MRM1: variants seen among roughly 807,000 people sequenced by gnomAD.
MRM1 encodes rRNA methyltransferase 1, mitochondrial.
In MRM1, 24 loss-of-function variants were observed where a neutral mutation model predicts 25.0. The ratio of observed to expected loss-of-function variants is 0.96; its 90% CI spans 0.69 to 1.35. MRM1 has a LOEUF of 1.35. Among genes scored for constraint, MRM1 ranks in the 40% most tolerant of loss-of-function variants. The probability of loss-of-function intolerance (pLI) is 0.00; values close to 1 mark genes in which losing one functional copy is unlikely to be tolerated. For missense variants in MRM1, 431 were observed against 464.1 expected, an observed-to-expected ratio of 0.93 and a Z score of 0.65; for synonymous variants, 188 against 199.2, an observed-to-expected ratio of 0.94 and a Z score of 0.47.
At chr17:36,604,146 C>T (rs1183286102) in intron 2 of MRM1, among the ~76,000 whole-genome samples, 2 of 152,332 alleles carry the variant, frequency 1.3e-5, no homozygotes, top group Admixed American at 6.5e-5. Context: ...TCCTCCTCTT[C>T]CTGCAGCATC....
chr17:36,621,625 C>T, the MRM1 span, among the ~76,000 whole-genome samples: 9 of 152,324 alleles, frequency 5.9e-5, no homozygotes, highest in Non-Finnish European at 2.9e-5. Flanking sequence ...TAAAGGCCAT[C>T]GATTTTCTTC....
chr17:36,624,586 G>C, the MRM1 span, among the ~76,000 whole-genome samples: 10 of 152,198 alleles, frequency 6.6e-5, no homozygotes, highest in African/African-American at 2.4e-4. This position sits in a 1 kb window ranked among gnomAD's most constrained non-coding sequence, Gnocchi z 4.0. Context: ...GGTGTCTGCT[G>C]TGACTGGTGG....
the MRM1 span, among the ~76,000 whole-genome samples, chr17:36,627,206 T>G: frequency 2.6e-5 from 4 of 152,176 alleles, no homozygotes. Flanking sequence ...GCAGGTCTCC[T>G]TCAGCCCCTT....
At chr17:36,619,529 G>GC in the MRM1 span, among the ~76,000 whole-genome samples, 1 of 152,164 alleles carries the variant, frequency 6.6e-6, no homozygotes, top group Admixed American at 6.5e-5. Flanking sequence ...TTAGCCAGGT[G>GC]TGGTAGCGCA....
the MRM1 span, among the ~76,000 whole-genome samples, chr17:36,627,219 G>A: frequency 1.3e-5 from 2 of 152,124 alleles, no homozygotes; most frequent in African/African-American, 2.4e-5. Context: ...AGCCCCTTTT[G>A]GGGGAAAGAA....
rs368052533 is a variant in MRM1 at position 36,608,797 on chromosome 17, G to C, written c.*382G>C. 1 of 191,968 alleles carries C rather than the reference G, an allele frequency of 5.2e-6. No homozygotes were observed. The highest frequency in any genetic ancestry group is 1.3e-4 in the East Asian group (1 of 7,902). 11.9% of individuals were successfully genotyped at this position (191,968 alleles called of 1,614,324 possible). A position where few individuals can be genotyped will look rare whatever the true frequency, so the allele number is the denominator to read the frequency against. ...CTGTGGCAAATGTGTGTATGAGAAT[G>C]TGGGGGGTGGAGGGCGGGGCCCTGA... is the stretch of plus-strand genomic sequence containing the variant. On this transcript the variant is annotated 3_prime_UTR_variant, in exon 5 of 5. Transcript: ENST00000614766.
rs7501746 is a variant in MRM1, at chr17:36,603,184, C to T, written c.636+538C>T. 3.0e-6 allele frequency: 3 copies of T among 984,410 alleles called. No individual in the cohort carries two copies. In the African/African-American group the frequency reaches 5.3e-5, roughly 17 times the overall value. The allele number at this position is 984,410 out of a possible 1,614,324, so 61.0% of individuals were successfully genotyped here. ...CTGACCATACCCCCCCCAACCCCCA[C>T]CCCAACTGCAGGGTGAGAAATTTCC... On this transcript the variant is annotated intron_variant, in intron 2 of 4. Coordinates refer to ENST00000614766, the MANE Select transcript of MRM1 (RefSeq NM_024864.5).
chr17:36,604,586 C>G (rs747375504), intron 2 of MRM1, among the ~76,000 whole-genome samples: 6 of 151,830 alleles, frequency 4.0e-5, no homozygotes, highest in Non-Finnish European at 8.8e-5. Flanking sequence ...GCAGGCAGAT[C>G]ATGAGGTCAG....
At chr17:36,616,564 A>G in the MRM1 span, among the ~76,000 whole-genome samples, 1 of 152,228 alleles carries the variant, frequency 6.6e-6, no homozygotes. Context: ...TGAGGCCGAC[A>G]CACACTCTTA....
At chr17:36,630,146 C>G in the MRM1 span, among the ~76,000 whole-genome samples, 6 of 152,194 alleles carry the variant, frequency 3.9e-5, no homozygotes, top group Non-Finnish European at 7.4e-5. Context: ...CTCAGCACAC[C>G]AAATGCAGGG....
Position 36,603,249 on chromosome 17 carries a change from A to G in MRM1, c.636+603A>G, listed in dbSNP as rs2074897902. 4.1e-6 allele frequency: 4 copies of G among 983,900 alleles called. No homozygotes were observed. In the African/African-American group the frequency reaches 7.0e-5, roughly 17 times the overall value. 60.9% of individuals were successfully genotyped at this position (983,900 alleles called of 1,614,324 possible). On this transcript the variant is annotated intron_variant, in intron 2 of 4. Coordinates refer to ENST00000614766, the MANE Select transcript of MRM1 (RefSeq NM_024864.5). The stretch of plus-strand genomic sequence containing the variant: ...GAGAGCTCTGGGACCTGTCTAGAAC[A>G]ACGCTGTCCAATAAAAATATGGTGT...
chr17:36,622,671 G>C, the MRM1 span, among the ~76,000 whole-genome samples: 1 of 152,200 alleles, frequency 6.6e-6, no homozygotes, highest in Non-Finnish European at 1.5e-5. Context: ...GGTCCCAGGT[G>C]GGGGACAGTT....
At chr17:36,604,797 T>G (rs2074913576) in intron 2 of MRM1, among the ~76,000 whole-genome samples, 1 of 141,020 alleles carries the variant, frequency 7.1e-6, no homozygotes, top group African/African-American at 2.7e-5. Flanking sequence ...CAGAGTGACG[T>G]GTCAAAAAAA....
Position 36,602,126 on chromosome 17 carries a change from A to G in MRM1, c.316A>G (p.Lys106Glu), listed in dbSNP as rs778716807. 2 of 1,612,894 alleles carry G rather than the reference A, an allele frequency of 1.2e-6. No homozygotes were observed. The highest frequency in any genetic ancestry group is 8.5e-7 in the Non-Finnish European group (1 of 1,179,824). The change falls in exon 1 of 5, where the codon AAA becomes GAA. Residue 106 changes from lysine (K) to glutamate (E), a missense_variant. Physicochemically the swap from Lys to Glu is moderately conservative, Grantham distance 56 (BLOSUM62 1). Coordinates refer to ENST00000614766, the MANE Select transcript of MRM1 (RefSeq NM_024864.5). This position sits in a 1 kb window ranked among gnomAD's most constrained non-coding sequence, Gnocchi z 4.1. ...TCCAGTTCTGCGGCCCAGACGGCAG[A>G]AACTGGACACAATGTGCCGCTACCA... ...DIPVLRPRRQ[K>E]LDTMCRYQVH...
At chr17:36,615,160 C>G in the MRM1 span, among the ~76,000 whole-genome samples, 8 of 152,322 alleles carry the variant, frequency 5.3e-5, no homozygotes, top group South Asian at 1.5e-3. Flanking sequence ...TGTGCCCTCT[C>G]GGTCACAGTA....
At chr17:36,625,187 G>A in the MRM1 span, among the ~76,000 whole-genome samples, 9 of 152,278 alleles carry the variant, frequency 5.9e-5, no homozygotes, top group African/African-American at 2.2e-4. Context: ...TGCCTAAAAT[G>A]TAAATCCTAT....
chr17:36,608,049 TCCCTCTAATCACGCAGGTGGGATTTGATG>T (rs1398984923), intron 4 of MRM1, 31 bp downstream of exon 4: 2 of 1,609,318 alleles, frequency 1.2e-6, no homozygotes, highest in South Asian at 2.2e-5. Context: ...CTTTCCTCTA[TCCCTCTAATCACGCAGGTGGGATTTGATG>T]CCCTCTAATC....
downstream of MRM1, among the ~76,000 whole-genome samples, chr17:36,611,040 C>T (rs2074974069): frequency 6.6e-6 from 1 of 152,126 alleles, no homozygotes; most frequent in African/African-American, 2.4e-5. Context: ...TCTCAAATTC[C>T]CTGACCTCAG....
the MRM1 span, among the ~76,000 whole-genome samples, chr17:36,632,613 C>CAGAT: frequency 6.6e-6 from 1 of 152,132 alleles, no homozygotes; most frequent in African/African-American, 2.4e-5. Flanking sequence ...CCCCCACTGC[C>CAGAT]ATCTCCCCAC....
Sources: gnomAD v4.1 joint callset for allele counts (sites outside exome capture counted in the v4.1 genomes callset) on GRCh38, gnomAD v4.1.1 for gene constraint, Gnocchi (gnomAD v3.1) non-coding constraint, MANE v1.5 for transcripts, NCBI Gene and HGNC (gene_info 2026-07-23, HGNC 2026-07-21) for gene names.